The following SETBP1 variants were observed in gnomAD, a reference collection of about 807,000 sequenced individuals.
SETBP1 encodes SET-binding protein.
In SETBP1, 9 loss-of-function variants were observed where a neutral mutation model predicts 101.0. That is an observed-to-expected ratio of 0.09 (90% CI 0.05 to 0.16). The LOEUF is 0.16. Among genes scored for constraint, SETBP1 ranks in the 10% least tolerant of loss-of-function variants. The pLI, the probability that SETBP1 is intolerant of heterozygous loss-of-function variation, is 1.00. For missense variants in SETBP1, 1,858 were observed against 2,033.8 expected (o/e 0.91, Z 1.66); for synonymous variants, 818 against 788.5 (o/e 1.04, Z -0.63).
At chr18:44,925,663 A>C (rs1226263914) in intron 3 of SETBP1, among the ~76,000 whole-genome samples, 3 of 152,260 alleles carry the variant, frequency 2.0e-5, no homozygotes, top group Non-Finnish European at 4.4e-5. Context: ...CCAGCATCTC[A>C]TGCTGATTTT....
Position 44,774,392 on chromosome 18 carries a change from GGTGT to G in SETBP1, c.486+72562_486+72565del, listed in dbSNP as rs146409291. Among the ~76,000 whole-genome samples, 4 of 151,602 alleles carry G rather than the reference GGTGT, an allele frequency of 2.6e-5. No homozygotes were observed. In the East Asian group the frequency reaches 5.8e-4, roughly 22 times the overall value. ...GTGTGTGTGGGTGTGTGTGTGTGTG[GGTGT>G]GAGTGTGGGGGTGTGTGGGTGTAGG... On this transcript the variant is annotated intron_variant, in intron 2 of 5. Transcript: ENST00000649279.
chr18:44,682,904 G>C (rs2852772), intron 1 of SETBP1, among the ~76,000 whole-genome samples: 4 of 151,922 alleles, frequency 2.6e-5, no homozygotes, highest in Non-Finnish European at 4.4e-5. Context: ...GCTGAGCTGG[G>C]GGAGGAGGTG....
At chr18:44,873,272 G>A (rs926476215) in intron 3 of SETBP1, among the ~76,000 whole-genome samples, 1 of 152,124 alleles carries the variant, frequency 6.6e-6, no homozygotes, top group Admixed American at 6.6e-5. Context: ...TATTAGCTTT[G>A]TGACCCTGAC....
At chr18:44,912,404 T>C (rs2070331197) in intron 3 of SETBP1, among the ~76,000 whole-genome samples, 1 of 152,184 alleles carries the variant, frequency 6.6e-6, no homozygotes, top group South Asian at 2.1e-4. Context: ...TGCTACTGAT[T>C]GCCTTCCTTC....
chr18:44,687,412 A>C (rs575433735), intron 1 of SETBP1, among the ~76,000 whole-genome samples: 1 of 152,174 alleles, frequency 6.6e-6, no homozygotes, highest in Non-Finnish European at 1.5e-5. Flanking sequence ...CCTTTGCTAA[A>C]TGTTTGATGG....
intron 5 of SETBP1, among the ~76,000 whole-genome samples, chr18:45,049,217 G>A (rs1350369356): frequency 6.6e-6 from 1 of 152,082 alleles, no homozygotes; most frequent in African/African-American, 2.4e-5. Context: ...GAGTTAAGAT[G>A]GACTTCTAAA....
At chr18:45,048,366 T>A (rs541031508) in intron 5 of SETBP1, among the ~76,000 whole-genome samples, 1 of 152,334 alleles carries the variant, frequency 6.6e-6, no homozygotes, top group South Asian at 2.1e-4. Flanking sequence ...GTAAGTATTT[T>A]ATGAAACCCT....
intron 2 of SETBP1, among the ~76,000 whole-genome samples, chr18:44,866,797 G>A (rs949000658): frequency 1.3e-5 from 2 of 152,178 alleles, no homozygotes; most frequent in African/African-American, 4.8e-5. Flanking sequence ...AGAGGTAAAG[G>A]TTTACTGATA....
intron 2 of SETBP1, among the ~76,000 whole-genome samples, chr18:44,711,252 C>T (rs528406189): frequency 8.9e-4 from 128 of 143,808 alleles, no homozygotes; most frequent in African/African-American, 3.0e-3. Flanking sequence ...CTACTCCTCC[C>T]GCCTCCCTCC....
At chr18:44,861,049 A>G (rs1265473741) in intron 2 of SETBP1, among the ~76,000 whole-genome samples, 1 of 152,074 alleles carries the variant, frequency 6.6e-6, no homozygotes. Flanking sequence ...TTAACATGGA[A>G]GTCCAATACA....
At chr18:44,839,471 T>TC (rs11392808) in intron 2 of SETBP1, among the ~76,000 whole-genome samples, 51,730 of 142,524 alleles carry the variant, frequency 0.36, 8,865 homozygotes, top group South Asian at 0.45. Flanking sequence ...TTTGAGCATC[T>TC]CCGGACTCTC....
chr18:44,737,866 G>A (rs1281682537), intron 2 of SETBP1, among the ~76,000 whole-genome samples: 1 of 152,188 alleles, frequency 6.6e-6, no homozygotes, highest in East Asian at 1.9e-4. Flanking sequence ...CCAAACTGAC[G>A]TCAGCAGGGA....
chr18:44,848,335 G>A (rs2072769069), intron 2 of SETBP1, among the ~76,000 whole-genome samples: 1 of 152,146 alleles, frequency 6.6e-6, no homozygotes, highest in Non-Finnish European at 1.5e-5. Context: ...GAGTTATGGG[G>A]GAGGGGGCGA....
intron 5 of SETBP1, among the ~76,000 whole-genome samples, chr18:45,044,129 A>G (rs1433820920): frequency 6.6e-6 from 1 of 152,226 alleles, no homozygotes; most frequent in Admixed American, 6.5e-5. Flanking sequence ...TAGAAGAACC[A>G]AAATAGAAGA....
At chr18:44,800,228 G>A (rs1338908607) in intron 2 of SETBP1, among the ~76,000 whole-genome samples, 1 of 152,108 alleles carries the variant, frequency 6.6e-6, no homozygotes, top group African/African-American at 2.4e-5. Flanking sequence ...GGTGGCTACC[G>A]TCTTAGCCCA....
At chr18:44,924,563 A>T (rs1422890121) in intron 3 of SETBP1, among the ~76,000 whole-genome samples, 1 of 152,164 alleles carries the variant, frequency 6.6e-6, no homozygotes, top group Non-Finnish European at 1.5e-5. Flanking sequence ...AGGAACAGTG[A>T]ATGCACTAGA....
At chr18:44,949,755 T>C in intron 3 of SETBP1, 126 bp from the exon 4 acceptor site, 1 of 781,868 alleles carries the variant, frequency 1.3e-6, no homozygotes. Flanking sequence ...TGGCTGTTCA[T>C]TTCGGTATTC....
rs145601488 is a variant in SETBP1 at position 44,714,342 on chromosome 18, G to A, written c.486+12510G>A. 2.6e-5 allele frequency among the ~76,000 whole-genome samples: 4 copies of A among 152,164 alleles called. No individual in the cohort carries two copies. In the East Asian group the frequency reaches 7.8e-4, roughly 30 times the overall value. Reference sequence around the variant, plus strand: ...GCCTCCTGAGTAGCTGGGACTACAGGTGCATGCCACAACACCGGGCTAATT... The same window carrying A: ...GCCTCCTGAGTAGCTGGGACTACAGATGCATGCCACAACACCGGGCTAATT... On this transcript the variant is annotated intron_variant, in intron 2 of 5. Transcript: ENST00000649279.
At chr18:44,752,167 C>A (rs781082438) in intron 2 of SETBP1, among the ~76,000 whole-genome samples, 1 of 152,102 alleles carries the variant, frequency 6.6e-6, no homozygotes, top group Non-Finnish European at 1.5e-5. Context: ...GAACAATCCA[C>A]GTTTGTATAT....
Sources: gnomAD v4.1 joint callset for allele counts (sites outside exome capture counted in the v4.1 genomes callset) on GRCh38, gnomAD v4.1.1 for gene constraint, MANE v1.5 for transcripts, NCBI Gene and HGNC (gene_info 2026-07-23, HGNC 2026-07-21) for gene names.